Variants in MX1 observed in about 807,000 individuals in gnomAD.
MX1 encodes the protein interferon-induced GTP-binding protein Mx1.
A neutral mutation model predicts 66.4 loss-of-function variants in MX1; 66 were observed. That is an observed-to-expected ratio of 0.99 (90% CI 0.82 to 1.22). MX1 has a LOEUF of 1.22. Ranked by LOEUF, MX1 falls within the 50% of genes most tolerant of loss-of-function variation. MX1 has a pLI of 0.00. For missense variants in MX1, 787 were observed against 834.3 expected (o/e 0.94, Z 0.70); for synonymous variants, 311 against 318.1 (o/e 0.98, Z 0.24).
At chr21:41,451,776 A>C (rs2090834708) in intron 15 of MX1, among the ~76,000 whole-genome samples, 1 of 149,868 alleles carries the variant, frequency 6.7e-6, no homozygotes, top group South Asian at 2.1e-4. Flanking sequence ...TGGAAGTTGC[A>C]GTGAGCCAAC....
intron 16 of MX1, among the ~76,000 whole-genome samples, chr21:41,457,466 C>T (rs1010876270): frequency 5.9e-5 from 9 of 152,100 alleles, no homozygotes; most frequent in Non-Finnish European, 1.0e-4. Context: ...ACCTTTGGCC[C>T]ATTTGGAGTT....
At position 41,442,779 on chromosome 21, in the gene MX1, GA is replaced by G. The variant is rs1228511814; in HGVS notation, c.929+868del. 3 of 152,372 alleles carry G rather than the reference GA, an allele frequency of 2.0e-5. No homozygotes were observed. In the East Asian group the frequency reaches 5.8e-4, roughly 29 times the overall value. The allele number at this position is 152,372 out of a possible 1,614,324, so 9.4% of individuals were successfully genotyped here. ...AAAACATGGAATACTTTCAGCCTTA[GA>G]AAGGAAAGACATTCTGACACATGCT... On this transcript the variant is annotated intron_variant, in intron 10 of 16. Transcript: ENST00000398598.
chr21:41,447,896 A>G (rs1187770642), intron 13 of MX1, among the ~76,000 whole-genome samples: 1 of 151,826 alleles, frequency 6.6e-6, no homozygotes. Context: ...CACCTGTCTA[A>G]TTTTTGTATT....
chr21:41,449,305 C>T lies in MX1; in HGVS notation c.1432+10C>T. The T allele has an allele frequency of 6.2e-7, 1 of 1,604,336 alleles. No homozygotes were observed. ...CTACACACCGTGACGGGTGAGTGCTCAGTTTCACCTCTGAGCATTGATTTC... is the reference window on the plus strand; with the variant it reads ...CTACACACCGTGACGGGTGAGTGCTTAGTTTCACCTCTGAGCATTGATTTC... On this transcript the variant is annotated intron_variant, in intron 14 of 16. Transcript: ENST00000398598.
intron 10 of MX1, chr21:41,442,645 A>T (rs2090552802): frequency 6.6e-6 from 1 of 152,256 alleles, no homozygotes; most frequent in Non-Finnish European, 1.5e-5. Context: ...GAATTCCAGG[A>T]ATATCAAATG....
chr21:41,443,251 T>G (rs1309843724), intron 10 of MX1, among the ~76,000 whole-genome samples: 1 of 152,208 alleles, frequency 6.6e-6, no homozygotes, highest in African/African-American at 2.4e-5. Context: ...AACCCTGTAA[T>G]AACTCACTCT....
chr21:41,451,270 A>C (rs775993793), intron 15 of MX1, 27 bp downstream of exon 15: 1 of 1,400,890 alleles, frequency 7.1e-7, no homozygotes. Flanking sequence ...GTTGTTTAAA[A>C]AAAAAAAAGA....
At chr21:41,448,839 A>T (rs1033254184) in intron 13 of MX1, among the ~76,000 whole-genome samples, 2 of 151,894 alleles carry the variant, frequency 1.3e-5, no homozygotes, top group African/African-American at 4.8e-5. Context: ...GTCTTACTCG[A>T]AGTTTCTGCG....
At chr21:41,451,425 G>A (rs2090822120) in intron 15 of MX1, among the ~76,000 whole-genome samples, 182 bp downstream of exon 15, 1 of 152,210 alleles carries the variant, frequency 6.6e-6, no homozygotes. Context: ...AAGCAATAAA[G>A]GAGGGAGTGC....
rs80140181 is a variant in MX1, at chr21:41,438,418, G to A, written c.436+1266G>A. Reference sequence around the variant, plus strand: ...TCTCTGGGCTAGCTGGGCTGGGGCTGATGGTCCAGGATGGCCCTTGGCTGG... The same window carrying A: ...TCTCTGGGCTAGCTGGGCTGGGGCTAATGGTCCAGGATGGCCCTTGGCTGG... On this transcript the variant is annotated intron_variant, in intron 7 of 16. Transcript: ENST00000398598. Among the ~76,000 whole-genome samples the A allele has an allele frequency of 6.7e-3, 1,022 of 152,340 alleles. 6 individuals are homozygous for A. Among genetic ancestry groups the A allele is most frequent in the African/African-American group, 0.018 (749 of 41,574 alleles).
In MX1 at chr21:41,451,274, A is replaced by G. The variant is rs367588507; in HGVS notation, c.1509+31A>G. The G allele has an allele frequency of 8.9e-5, 126 of 1,408,970 alleles. No homozygotes were observed. In the African/African-American group the frequency reaches 1.0e-3, roughly 11 times the overall value. The allele number at this position is 1,408,970 out of a possible 1,614,324, so 87.3% of individuals were successfully genotyped here. A position where few individuals can be genotyped will look rare whatever the true frequency, so the allele number is the denominator to read the frequency against. ...ACCAACCATGTGTTGTTTAAAAAAAAAAAAGAAAAGAAATTAAGCTTGACA... is the reference window on the plus strand; with the variant it reads ...ACCAACCATGTGTTGTTTAAAAAAAGAAAAGAAAAGAAATTAAGCTTGACA... On this transcript the variant is annotated intron_variant, in intron 15 of 16. Transcript: ENST00000398598.
rs189069063 is a variant in MX1, at chr21:41,431,993, C to T, written c.-21-57C>T. On this transcript the variant is annotated intron_variant, in intron 4 of 16. Transcript: ENST00000398598. ...TCCGTTCTGGTGGTGGGTTTGGTTCCATGGTTGAATGCACCCAGCTGCTTA... is the reference window on the plus strand; with the variant it reads ...TCCGTTCTGGTGGTGGGTTTGGTTCTATGGTTGAATGCACCCAGCTGCTTA... The T allele has an allele frequency of 2.1e-5, 30 of 1,461,980 alleles. No individual in the cohort carries two copies. In the African/African-American group the frequency reaches 4.0e-4, roughly 20 times the overall value. 90.6% of individuals were successfully genotyped at this position (1,461,980 alleles called of 1,614,324 possible).
rs1387387288 is a variant in MX1, at chr21:41,439,783, C to CT, written c.527dup (p.Ile177AsnfsTer17). On this transcript the variant is annotated frameshift_variant, in exon 8 of 17. Transcript: ENST00000398598. LOFTEE classifies it high-confidence loss of function. Reference sequence around the variant, plus strand: ...CTCCCGAGATGTCCCGGATCTGACTCTAATAGACCTTCCTGGCATAACCAG... The same window carrying CT: ...CTCCCGAGATGTCCCGGATCTGACTCTTAATAGACCTTCCTGGCATAACCAG... 1.2e-6 allele frequency: 2 copies of CT among 1,614,000 alleles called. No individual in the cohort carries two copies. The highest frequency in any genetic ancestry group is 2.2e-5 in the East Asian group (1 of 44,862).
At chr21:41,444,795 T>TAAGAAA in intron 11 of MX1, among the ~76,000 whole-genome samples, 1 of 152,280 alleles carries the variant, frequency 6.6e-6, no homozygotes, top group South Asian at 2.1e-4. Flanking sequence ...CCTAGACAGA[T>TAAGAAA]GCCCTTGTGG....
chr21:41,449,140 A>G lies in MX1; in HGVS notation c.1277A>G (p.His426Arg). 6.2e-7 allele frequency: 1 copy of G among 1,610,234 alleles called. No homozygotes were observed. Among genetic ancestry groups the G allele is most frequent in the Non-Finnish European group, 8.5e-7 (1 of 1,178,760 alleles). ...TIIENNFQEG[H>R]KILSRKIQKF... ...AGGGTTTTTTTTCCTGCTATAGGCC[A>G]TAAAATTTTGAGTAGAAAAATCCAG... The change falls in exon 14 of 17, where the codon CAT becomes CGT. Residue 426 changes from histidine to arginine, a missense_variant. His to Arg is a conservative substitution (Grantham distance 29). Coordinates refer to ENST00000398598, the MANE Select transcript of MX1 (RefSeq NM_002462.5).
chr21:41,445,753 G>A (rs1014936953), intron 12 of MX1, 183 bp downstream of exon 12: 2 of 886,510 alleles, frequency 2.3e-6, no homozygotes, highest in African/African-American at 3.4e-5. Context: ...TGGGGGTGGA[G>A]TCAGCAGCGA....
rs867613553 is a variant in MX1 at position 41,458,732 on chromosome 21, C to T, written c.1963C>T (p.Arg655Cys). 1.3e-5 allele frequency: 21 copies of T among 1,612,944 alleles called. No homozygotes were observed. The Middle Eastern group carries it at 2.3e-3, about 177-fold the overall frequency. ...GCTTGCACGGCTGACGCAGGCTCGG[C>T]GCCGGCTTGCCCAGTTCCCCGGTTA... is the stretch of plus-strand genomic sequence containing the variant. ...ERLARLTQAR[R>C]RLAQFPG Residue 655 changes from arginine to cysteine, a missense_variant, in exon 17 of 17, where the codon CGC becomes TGC. Physicochemically the swap from Arg to Cys is radical, Grantham distance 180. Transcript: ENST00000398598.
At chr21:41,458,415 G>A in intron 16 of MX1, 113 bp from the exon 17 acceptor site, 1 of 1,245,838 alleles carries the variant, frequency 8.0e-7, no homozygotes. Context: ...TCATTGCCCT[G>A]CGAGGGTCTC....
At chr21:41,434,237 T>A (rs468672) in intron 5 of MX1, among the ~76,000 whole-genome samples, 77,349 of 151,684 alleles carry the variant, frequency 0.51, 21,203 homozygotes, top group Non-Finnish European at 0.64. Context: ...ATCAGCCCAC[T>A]TTAGGAAAAT....
Sources: allele counts gnomAD v4.1 joint callset (sites outside exome capture counted in the v4.1 genomes callset), GRCh38; gene constraint gnomAD v4.1.1; transcripts MANE v1.5; gene names NCBI Gene and HGNC (gene_info 2026-07-23, HGNC 2026-07-21).